Variants in ATP6V1A observed in about 807,000 individuals in gnomAD.
ATP6V1A encodes ATPase H+ transporting V1 subunit A, also known as V-type proton ATPase catalytic subunit A.
In ATP6V1A, 18 loss-of-function variants were observed where a neutral mutation model predicts 70.1. The ratio of observed to expected loss-of-function variants is 0.26; its 90% CI spans 0.18 to 0.38. The LOEUF is 0.38. Ranked by LOEUF, ATP6V1A falls within the 10% of genes least tolerant of loss-of-function variation. ATP6V1A has a pLI of 1.00. For synonymous variants in ATP6V1A, 232 were observed against 253.8 expected (o/e 0.91, Z 0.82); for missense variants, 424 against 772.4 (o/e 0.55, Z 5.35).
intron 1 of ATP6V1A, among the ~76,000 whole-genome samples, chr3:113,773,203 G>A (rs1708869433): frequency 6.6e-6 from 1 of 152,044 alleles, no homozygotes; most frequent in South Asian, 2.1e-4. Context: ...CCCCCAAAGT[G>A]CTGGGATTAC....
At chr3:113,796,771 C>T (rs541129147) in intron 11 of ATP6V1A, among the ~76,000 whole-genome samples, 7 of 152,208 alleles carry the variant, frequency 4.6e-5, no homozygotes, top group African/African-American at 9.6e-5. Flanking sequence ...AGCTTTTTAA[C>T]GTTTGCTAAA....
chr3:113,752,974 A>G (rs1425448765), intron 1 of ATP6V1A, among the ~76,000 whole-genome samples: 1 of 152,160 alleles, frequency 6.6e-6, no homozygotes, highest in Non-Finnish European at 1.5e-5. Flanking sequence ...TAAAAGTCAT[A>G]AAAGTATGGA....
chr3:113,774,989 A>T (rs1411963217), intron 1 of ATP6V1A, among the ~76,000 whole-genome samples: 1 of 152,238 alleles, frequency 6.6e-6, no homozygotes. Context: ...ATCTGAAAAG[A>T]TTATACTTTG....
chr3:113,790,970 C>A (rs898366716), intron 8 of ATP6V1A, among the ~76,000 whole-genome samples: 4 of 151,948 alleles, frequency 2.6e-5, no homozygotes, highest in Admixed American at 1.3e-4. Flanking sequence ...TTCTCTTTTC[C>A]CAAAGGACTT....
At chr3:113,780,852 T>A in intron 2 of ATP6V1A, 198 bp from the exon 3 acceptor site, 1 of 1,339,816 alleles carries the variant, frequency 7.5e-7, no homozygotes, top group Non-Finnish European at 9.9e-7. Flanking sequence ...TAAATAATCT[T>A]TGGCTTACCT....
chr3:113,808,524 C>T lies in ATP6V1A; in HGVS notation c.1762-811C>T, dbSNP rs935776709. 5.9e-5 allele frequency among the ~76,000 whole-genome samples: 9 copies of T among 152,018 alleles called. No homozygotes were observed. The East Asian group carries it at 1.8e-3, about 30-fold the overall frequency. ...GGCCAGGATGGTCTCAATCTCCCGA[C>T]CTTGTGACTCGCCTGCCTCGGCCCC... On this transcript the variant is annotated intron_variant, in intron 14 of 14. Transcript: ENST00000273398.
At chr3:113,788,966 C>A (rs1709065669) in intron 7 of ATP6V1A, 91 bp downstream of exon 7, 2 of 1,123,772 alleles carry the variant, frequency 1.8e-6, no homozygotes, top group South Asian at 1.4e-5. Flanking sequence ...GGGTCTGGAG[C>A]AATGCTGTCA....
chr3:113,789,705 A>T, intron 7 of ATP6V1A, 27 bp from the exon 8 acceptor site: 1 of 1,509,830 alleles, frequency 6.6e-7, no homozygotes, highest in Non-Finnish European at 9.1e-7. Flanking sequence ...GAAATTGGAG[A>T]TTCACTAATA....
chr3:113,799,814 G>A (rs2108041727), intron 12 of ATP6V1A, among the ~76,000 whole-genome samples: 1 of 152,296 alleles, frequency 6.6e-6, no homozygotes, highest in South Asian at 2.1e-4. Context: ...AAACTAGAGT[G>A]TAGGAACTAA....
intron 4 of ATP6V1A, 57 bp downstream of exon 4, chr3:113,784,495 T>C: frequency 6.6e-7 from 1 of 1,507,816 alleles, no homozygotes; most frequent in Non-Finnish European, 9.1e-7. Context: ...AAATGAATGT[T>C]TAGTAAACTA....
At chr3:113,780,290 A>G (rs1255249755) in intron 2 of ATP6V1A, among the ~76,000 whole-genome samples, 1 of 152,208 alleles carries the variant, frequency 6.6e-6, no homozygotes, top group Non-Finnish European at 1.5e-5. Flanking sequence ...TCAGAAGGCT[A>G]AATATTAAAA....
chr3:113,799,981 C>T (rs1709191871), intron 12 of ATP6V1A, among the ~76,000 whole-genome samples: 1 of 152,144 alleles, frequency 6.6e-6, no homozygotes, highest in Admixed American at 6.5e-5. Flanking sequence ...CTTGTAATCC[C>T]AGCACTTTGG....
chr3:113,793,598 G>A (rs1014234417), intron 8 of ATP6V1A, among the ~76,000 whole-genome samples: 12 of 152,136 alleles, frequency 7.9e-5, no homozygotes, highest in Admixed American at 2.0e-4. Flanking sequence ...CAGCATGCTT[G>A]TATAAGAAAG....
At chr3:113,791,028 A>G (rs1301047162) in intron 8 of ATP6V1A, among the ~76,000 whole-genome samples, 3 of 152,092 alleles carry the variant, frequency 2.0e-5, no homozygotes, top group Non-Finnish European at 4.4e-5. Flanking sequence ...ATATTCCAAT[A>G]TTGATAGTTT....
At chr3:113,793,041 G>A (rs958663298) in intron 8 of ATP6V1A, among the ~76,000 whole-genome samples, 1 of 151,652 alleles carries the variant, frequency 6.6e-6, no homozygotes, top group African/African-American at 2.4e-5. Context: ...ACTCTTTTTG[G>A]TTTTTTGTTG....
At chr3:113,794,755 G>T (rs1709135541) in intron 8 of ATP6V1A, 117 bp from the exon 9 acceptor site, 4 of 1,184,552 alleles carry the variant, frequency 3.4e-6, no homozygotes, top group Non-Finnish European at 4.7e-6. Flanking sequence ...AGCTTTGAGG[G>T]AGCCACTAGC....
Position 113,795,077 on chromosome 3 carries a change from T to C in ATP6V1A, c.1112-13T>C. On this transcript the variant is annotated splice_polypyrimidine_tract_variant and intron_variant, in intron 9 of 14. Coordinates refer to ENST00000273398, the MANE Select transcript of ATP6V1A (RefSeq NM_001690.4). ...TTAGAAACTCTGTTTTAAAATTTCT[T>C]TTCATTTTTCAGATAGTGGATATCC... 1.9e-6 allele frequency: 3 copies of C among 1,613,680 alleles called. No individual in the cohort carries two copies. Among genetic ancestry groups the C allele is most frequent in the Non-Finnish European group, 2.5e-6 (3 of 1,179,896 alleles).
Position 113,808,287 on chromosome 3 carries a change from C to CTT in ATP6V1A, c.1762-1028_1762-1027dup, listed in dbSNP as rs748064694. On this transcript the variant is annotated intron_variant, in intron 14 of 14. Coordinates refer to ENST00000273398, the MANE Select transcript of ATP6V1A (RefSeq NM_001690.4). ...ACCTGGAACATTTTAAAGTCTGTCT[C>CTT]TTTTTTTTTTTTTTTTTTTTTCTGA... is the stretch of plus-strand genomic sequence containing the variant. 4.9e-3 allele frequency among the ~76,000 whole-genome samples: 436 copies of CTT among 89,790 alleles called. 16 individuals carry two copies. Among genetic ancestry groups the CTT allele is most frequent in the Middle Eastern group, 7.8e-3 (1 of 128 alleles). 58.9% of individuals were successfully genotyped at this position (89,790 alleles called of 152,430 possible).
At chr3:113,772,877 A>C (rs1358682861) in intron 1 of ATP6V1A, among the ~76,000 whole-genome samples, 1 of 151,382 alleles carries the variant, frequency 6.6e-6, no homozygotes, top group Non-Finnish European at 1.5e-5. Flanking sequence ...GGAGTAGAGA[A>C]GATTAAATTA....
Sources: gnomAD v4.1 joint callset for allele counts (sites outside exome capture counted in the v4.1 genomes callset) on GRCh38, gnomAD v4.1.1 for gene constraint, MANE v1.5 for transcripts, NCBI Gene and HGNC (gene_info 2026-07-23, HGNC 2026-07-21) for gene names.